Variants in GALNT17 observed in about 807,000 individuals in gnomAD.
The protein encoded by GALNT17 is polypeptide N-acetylgalactosaminyltransferase 17.
A neutral mutation model predicts 63.7 loss-of-function variants in GALNT17; 29 were observed. That is an observed-to-expected ratio of 0.46 (90% CI 0.34 to 0.62). The LOEUF is 0.62. Among genes scored for constraint, GALNT17 ranks in the 20% least tolerant of loss-of-function variants. GALNT17 has a pLI of 0.01. For synonymous variants in GALNT17, 305 were observed against 318.3 expected, an observed-to-expected ratio of 0.96 and a Z score of 0.45; for missense variants, 603 against 799.6, an observed-to-expected ratio of 0.75 and a Z score of 2.97.
At chr7:71,162,152 C>CCTTCCTTCCTTCCTTT (rs1562875835) in intron 1 of GALNT17, among the ~76,000 whole-genome samples, 2 of 137,682 alleles carry the variant, frequency 1.5e-5, no homozygotes, top group African/African-American at 5.4e-5. Flanking sequence ...TTCCTTCCTT[C>CCTTCCTTCCTTCCTTT]CTTCCTTCCT....
chr7:71,252,938 A>G (rs1156629497), intron 1 of GALNT17, among the ~76,000 whole-genome samples: 2 of 152,286 alleles, frequency 1.3e-5, no homozygotes, highest in East Asian at 1.9e-4. Context: ...CTTCACAGGT[A>G]TGGGACAAAG....
chr7:71,623,460 C>G (rs1790325048), intron 6 of GALNT17, among the ~76,000 whole-genome samples: 1 of 151,816 alleles, frequency 6.6e-6, no homozygotes, highest in South Asian at 2.1e-4. Context: ...CTCTGTCACT[C>G]AGGCTAGAGG....
intron 1 of GALNT17, among the ~76,000 whole-genome samples, chr7:71,188,871 CG>C (rs1287453630): frequency 6.6e-6 from 1 of 152,076 alleles, no homozygotes; most frequent in Admixed American, 6.6e-5. Flanking sequence ...AAAATAGAGT[CG>C]GGGAGAGTGA....
At chr7:71,703,845 G>T (rs907276178) in intron 9 of GALNT17, among the ~76,000 whole-genome samples, 1 of 152,112 alleles carries the variant, frequency 6.6e-6, no homozygotes, top group Non-Finnish European at 1.5e-5. Flanking sequence ...TGAGAGTGAA[G>T]GAAGACAGGT....
At chr7:71,504,055 C>T (rs951324272) in intron 5 of GALNT17, among the ~76,000 whole-genome samples, 8 of 152,068 alleles carry the variant, frequency 5.3e-5, no homozygotes, top group African/African-American at 1.4e-4. Flanking sequence ...AGTAAAACCC[C>T]ATCTCTACCA....
chr7:71,443,433 G>A (rs896235133), intron 5 of GALNT17, among the ~76,000 whole-genome samples: 2 of 152,214 alleles, frequency 1.3e-5, no homozygotes, highest in African/African-American at 4.8e-5. Flanking sequence ...GGGTCATGGG[G>A]ACAGACCCCT....
chr7:71,453,481 C>T (rs1166265667), intron 5 of GALNT17, among the ~76,000 whole-genome samples: 2 of 152,182 alleles, frequency 1.3e-5, no homozygotes, highest in Admixed American at 6.5e-5. Context: ...AAAGATTTCC[C>T]TTTATAAAAC....
At chr7:71,384,727 T>C (rs766038980) in intron 2 of GALNT17, among the ~76,000 whole-genome samples, 6 of 152,228 alleles carry the variant, frequency 3.9e-5, no homozygotes, top group Non-Finnish European at 8.8e-5. Flanking sequence ...AGCTCTTTAC[T>C]GTGTAATCTC....
intron 6 of GALNT17, among the ~76,000 whole-genome samples, chr7:71,645,263 T>C (rs886716610): frequency 6.6e-6 from 1 of 152,192 alleles, no homozygotes; most frequent in Admixed American, 6.5e-5. Flanking sequence ...CGGTTCTATG[T>C]TGCCACTCAA....
intron 1 of GALNT17, among the ~76,000 whole-genome samples, chr7:71,330,454 G>A (rs921441075): frequency 2.6e-5 from 4 of 152,170 alleles, no homozygotes; most frequent in South Asian, 2.1e-4. Flanking sequence ...CTGGAGTGCA[G>A]TGGTGTAATC....
At chr7:71,177,123 C>T (rs1012176890) in intron 1 of GALNT17, among the ~76,000 whole-genome samples, 1 of 152,058 alleles carries the variant, frequency 6.6e-6, no homozygotes, top group African/African-American at 2.4e-5. Flanking sequence ...CATGTAGGGG[C>T]CTGTCGGAGA....
chr7:71,241,419 G>A (rs1789994312), intron 1 of GALNT17, among the ~76,000 whole-genome samples: 1 of 152,170 alleles, frequency 6.6e-6, no homozygotes, highest in African/African-American at 2.4e-5. Flanking sequence ...ATACTTCCCA[G>A]CTTCTCTTGC....
At chr7:71,643,656 G>A (rs1230167379) in intron 6 of GALNT17, among the ~76,000 whole-genome samples, 1 of 152,174 alleles carries the variant, frequency 6.6e-6, no homozygotes, top group Admixed American at 6.6e-5. Context: ...CATGAATTCT[G>A]CCTAAAGGCT....
At chr7:71,511,362 G>A (rs1788352592) in intron 5 of GALNT17, among the ~76,000 whole-genome samples, 1 of 152,178 alleles carries the variant, frequency 6.6e-6, no homozygotes, top group South Asian at 2.1e-4. Flanking sequence ...TTAGGGGAGA[G>A]CGTGAGAGCA....
At chr7:71,478,514 T>C (rs1022280812) in intron 5 of GALNT17, among the ~76,000 whole-genome samples, 6 of 152,188 alleles carry the variant, frequency 3.9e-5, no homozygotes, top group African/African-American at 1.4e-4. Context: ...GGGGTCTCCC[T>C]ATGGTTGCCC....
intron 1 of GALNT17, among the ~76,000 whole-genome samples, chr7:71,258,041 C>T (rs970120549): frequency 1.3e-5 from 2 of 152,152 alleles, no homozygotes; most frequent in African/African-American, 4.8e-5. Context: ...TTGCTAATAC[C>T]AATGAATTGA....
chr7:71,220,625 G>A (rs75131645), intron 1 of GALNT17, among the ~76,000 whole-genome samples: 6,315 of 152,172 alleles, frequency 0.041, 436 homozygotes, highest in African/African-American at 0.14. Flanking sequence ...TCTGTACTTG[G>A]AGATAGGGCT....
intron 5 of GALNT17, among the ~76,000 whole-genome samples, chr7:71,551,474 G>C (rs1789074402): frequency 6.6e-6 from 1 of 152,108 alleles, no homozygotes; most frequent in African/African-American, 2.4e-5. Context: ...TTTCATGCAA[G>C]TCTAACTTTT....
At chr7:71,504,592 AT>A (rs996800429) in intron 5 of GALNT17, among the ~76,000 whole-genome samples, 34 of 125,594 alleles carry the variant, frequency 2.7e-4, no homozygotes, top group African/African-American at 6.1e-4. Flanking sequence ...GTTTATTTAC[AT>A]TTTTTTACCT....
Sources: gnomAD v4.1 joint callset for allele counts (sites outside exome capture counted in the v4.1 genomes callset) on GRCh38, gnomAD v4.1.1 for gene constraint, MANE v1.5 for transcripts, NCBI Gene and HGNC (gene_info 2026-07-23, HGNC 2026-07-21) for gene names.